MECOM: variants seen among roughly 807,000 people sequenced by gnomAD.
The protein encoded by MECOM is histone-lysine N-methyltransferase MECOM.
In MECOM, 13 loss-of-function variants were observed where a neutral mutation model predicts 116.3. The ratio of observed to expected loss-of-function variants is 0.11; its 90% CI spans 0.07 to 0.18. The LOEUF (loss-of-function observed/expected upper bound fraction) is 0.18. Ranked by LOEUF, MECOM falls within the 10% of genes least tolerant of loss-of-function variation. The pLI, the probability that MECOM is intolerant of heterozygous loss-of-function variation, is 1.00. For missense variants in MECOM, 1,299 were observed against 1,509.0 expected, an observed-to-expected ratio of 0.86 and a Z score of 2.31; for synonymous variants, 528 against 535.2, an observed-to-expected ratio of 0.99 and a Z score of 0.19.
At chr3:169,542,365 T>TC (rs1255441548) in intron 1 of MECOM, among the ~76,000 whole-genome samples, 3 of 151,504 alleles carry the variant, frequency 2.0e-5, no homozygotes, top group Admixed American at 6.6e-5. Context: ...GCAATACGAC[T>TC]CCCCCCTCCG....
chr3:169,522,790 G>A (rs1202462145), intron 1 of MECOM, among the ~76,000 whole-genome samples: 1 of 152,240 alleles, frequency 6.6e-6, no homozygotes, highest in East Asian at 1.9e-4. Context: ...CTTCTGATGT[G>A]TGTGACAACC....
intron 1 of MECOM, among the ~76,000 whole-genome samples, chr3:169,604,098 G>A (rs1436287705): frequency 1.3e-5 from 2 of 152,184 alleles, no homozygotes; most frequent in East Asian, 3.9e-4. Context: ...GATACGGAGT[G>A]GAGGGGAGCA....
rs552494064 is a variant in MECOM, at chr3:169,426,735, C to T, written c.38-45211G>A. ...TTAATATGAGATTAATTGAGCTGCA[C>T]GTGGAGCAGAGAAGATTGTGCAAGA... On this transcript the variant is annotated intron_variant, in intron 1 of 16. Transcript: ENST00000651503. Among the ~76,000 whole-genome samples, 16 of 152,246 alleles carry T rather than the reference C, an allele frequency of 1.1e-4. No homozygotes were observed. In the East Asian group the frequency reaches 2.1e-3, roughly 20 times the overall value.
At chr3:169,512,076 T>C (rs1025923499) in intron 1 of MECOM, among the ~76,000 whole-genome samples, 15 of 152,234 alleles carry the variant, frequency 9.9e-5, no homozygotes, top group African/African-American at 3.6e-4. Context: ...AGGCTTGTAT[T>C]GTGCTAGGTC....
intron 1 of MECOM, among the ~76,000 whole-genome samples, chr3:169,527,141 C>T (rs1357118749): frequency 6.6e-6 from 1 of 152,166 alleles, no homozygotes; most frequent in East Asian, 1.9e-4. Flanking sequence ...CTGGATATTT[C>T]GAACCAACCT....
intron 3 of MECOM, among the ~76,000 whole-genome samples, chr3:169,139,880 T>C (rs1201573969): frequency 6.6e-6 from 1 of 151,884 alleles, no homozygotes; most frequent in East Asian, 1.9e-4. Flanking sequence ...CAATGAGTTA[T>C]GTCCACCAAT....
intron 2 of MECOM, among the ~76,000 whole-genome samples, chr3:169,292,785 C>T (rs986745160): frequency 6.6e-6 from 1 of 152,096 alleles, no homozygotes; most frequent in Admixed American, 6.5e-5. Flanking sequence ...GATCTGAATT[C>T]GGGTATTGCA....
intron 2 of MECOM, among the ~76,000 whole-genome samples, chr3:169,231,653 A>C (rs1373305939): frequency 6.6e-6 from 1 of 152,010 alleles, no homozygotes; most frequent in Non-Finnish European, 1.5e-5. Flanking sequence ...AAAGCTAGGG[A>C]GAAGCACCCC....
intron 1 of MECOM, among the ~76,000 whole-genome samples, chr3:169,536,848 C>G (rs1759428642): frequency 6.6e-6 from 1 of 152,168 alleles, no homozygotes; most frequent in Non-Finnish European, 1.5e-5. Context: ...AACTATGTGC[C>G]TGTAATTGAT....
chr3:169,090,469 A>C (rs575134358), intron 14 of MECOM, among the ~76,000 whole-genome samples: 1 of 152,226 alleles, frequency 6.6e-6, no homozygotes, highest in East Asian at 1.9e-4. Flanking sequence ...AGCCTCTGGC[A>C]GAACCCGAAA....
At chr3:169,093,541 T>C (rs1017423189) in intron 13 of MECOM, among the ~76,000 whole-genome samples, 13 of 152,186 alleles carry the variant, frequency 8.5e-5, no homozygotes, top group Admixed American at 1.3e-4. Context: ...CTAAAGCATA[T>C]AACAAAATAC....
intron 2 of MECOM, among the ~76,000 whole-genome samples, chr3:169,361,351 G>A (rs1296602011): frequency 6.6e-6 from 1 of 151,712 alleles, no homozygotes. Flanking sequence ...TTCAGAAAGG[G>A]GACAATATTT....
intron 1 of MECOM, among the ~76,000 whole-genome samples, chr3:169,570,356 C>T (rs1763732349): frequency 6.6e-6 from 1 of 151,990 alleles, no homozygotes; most frequent in African/African-American, 2.4e-5. Flanking sequence ...AATAGCCTAC[C>T]AATCAAAAAA....
At chr3:169,100,986 G>T (rs369137469) in intron 11 of MECOM, 24 bp from the exon 12 acceptor site, 4 of 1,571,514 alleles carry the variant, frequency 2.5e-6, no homozygotes, top group Non-Finnish European at 2.6e-6. Flanking sequence ...ATGTTTATAA[G>T]AGAAAGTCAG....
At chr3:169,290,851 T>C (rs1714409146) in intron 2 of MECOM, among the ~76,000 whole-genome samples, 1 of 152,230 alleles carries the variant, frequency 6.6e-6, no homozygotes, top group Non-Finnish European at 1.5e-5. Context: ...AATGGGATCA[T>C]GGACTGTACT....
chr3:169,104,270 CT>C (rs1436230551), intron 10 of MECOM, among the ~76,000 whole-genome samples: 1 of 152,174 alleles, frequency 6.6e-6, no homozygotes, highest in Non-Finnish European at 1.5e-5. Flanking sequence ...TCATTATTCC[CT>C]TCTAGACAGA....
Position 169,115,819 on chromosome 3 carries a change from T to C in MECOM, c.2053A>G (p.Lys685Glu), listed in dbSNP as rs770318724. 1.2e-6 allele frequency: 2 copies of C among 1,614,110 alleles called. No individual in the cohort carries two copies. Among genetic ancestry groups the C allele is most frequent in the Non-Finnish European group, 1.7e-6 (2 of 1,180,024 alleles). The stretch of plus-strand genomic sequence containing the variant: ...GAAGGGTAAGGTAAAGCTCCAACTT[T>C]TTTGTCTTGCAGCCCCACCAGTCCT... ...STGLVGLQDKKVGALPYPSMF... is the reference protein window; with the variant it reads ...STGLVGLQDKEVGALPYPSMF... The change falls in exon 8 of 17, where the codon AAA (lysine) becomes GAA (glutamate). Residue 685 changes from lysine to glutamate, a missense_variant. Lys to Glu is a moderately conservative substitution (Grantham distance 56). Coordinates refer to ENST00000651503, the MANE Select transcript of MECOM (RefSeq NM_004991.4).
At chr3:169,236,862 A>G (rs1009454157) in intron 2 of MECOM, among the ~76,000 whole-genome samples, 1 of 152,202 alleles carries the variant, frequency 6.6e-6, no homozygotes, top group Non-Finnish European at 1.5e-5. Context: ...ACATTCAACA[A>G]ACTCACCACT....
chr3:169,202,819 C>CAAAAAAAAA (rs11287862), intron 2 of MECOM, among the ~76,000 whole-genome samples: 2 of 90,282 alleles, frequency 2.2e-5, no homozygotes, highest in African/African-American at 8.5e-5. Flanking sequence ...TTGCCATTAG[C>CAAAAAAAAA]AAAAAAAAAA....
Sources: allele counts gnomAD v4.1 joint callset (sites outside exome capture counted in the v4.1 genomes callset), GRCh38; gene constraint gnomAD v4.1.1; transcripts MANE v1.5; gene names NCBI Gene and HGNC (gene_info 2026-07-23, HGNC 2026-07-21).